NELL1: variants seen among roughly 807,000 people sequenced by gnomAD.
The protein encoded by NELL1 is neural EGFL like 1.
NELL1 carries 76 observed loss-of-function variants against 107.4 expected under a neutral mutation model. The ratio of observed to expected loss-of-function variants is 0.71; its 90% confidence interval spans 0.59 to 0.86. The LOEUF (loss-of-function observed/expected upper bound fraction) is 0.86. Among genes scored for constraint, NELL1 ranks in the 40% least tolerant of loss-of-function variants. NELL1 has a pLI of 0.00. For missense variants in NELL1, 1,024 were observed against 1,005.5 expected, an observed-to-expected ratio of 1.02 and a Z score of -0.25; for synonymous variants, 353 against 341.2, an observed-to-expected ratio of 1.03 and a Z score of -0.38.
intron 15 of NELL1, among the ~76,000 whole-genome samples, chr11:21,442,373 C>T (rs1853307487): frequency 6.6e-6 from 1 of 152,026 alleles, no homozygotes; most frequent in African/African-American, 2.4e-5. Context: ...TACGTGGTCT[C>T]TGTTCATCTC....
chr11:20,744,378 T>C (rs750131435), intron 2 of NELL1, among the ~76,000 whole-genome samples: 8 of 152,262 alleles, frequency 5.3e-5, no homozygotes, highest in Non-Finnish European at 1.0e-4. Flanking sequence ...ACCAGTCTTC[T>C]CACTGTCTGA....
chr11:21,413,463 T>C (rs930432589), intron 15 of NELL1, among the ~76,000 whole-genome samples: 12 of 152,206 alleles, frequency 7.9e-5, no homozygotes, highest in Admixed American at 2.6e-4. Context: ...GTGGCTGCTT[T>C]GAAAGACGAG....
At position 21,261,268 on chromosome 11, in the gene NELL1, G is replaced by A. The variant is rs574196439; in HGVS notation, c.1549+31814G>A. 1.4e-4 allele frequency among the ~76,000 whole-genome samples: 21 copies of A among 151,448 alleles called. No individual in the cohort carries two copies. The South Asian group carries it at 4.4e-3, about 32-fold the overall frequency. Reference sequence around the variant, plus strand: ...GCATAGGTAAACTTGTGTCATGGAGGTTTGTTGTAAGATTATTTCATCACT... The same window carrying A: ...GCATAGGTAAACTTGTGTCATGGAGATTTGTTGTAAGATTATTTCATCACT... On this transcript the variant is annotated intron_variant, in intron 14 of 19. Coordinates refer to ENST00000357134, the MANE Select transcript of NELL1 (RefSeq NM_006157.5).
intron 15 of NELL1, among the ~76,000 whole-genome samples, chr11:21,522,847 T>TC (rs1855763421): frequency 7.6e-6 from 1 of 131,064 alleles, no homozygotes; most frequent in Non-Finnish European, 1.7e-5. Context: ...TTTTTTTTTT[T>TC]TTTTTTTTTT....
At chr11:21,248,064 G>T (rs370685457) in intron 14 of NELL1, among the ~76,000 whole-genome samples, 1 of 152,196 alleles carries the variant, frequency 6.6e-6, no homozygotes, top group African/African-American at 2.4e-5. Flanking sequence ...AGAGCAGGAG[G>T]CCGGGTGCAG....
rs529369907 is a variant in NELL1, at chr11:21,107,516, A to G, written c.1301-6073A>G. Among the ~76,000 whole-genome samples the G allele has an allele frequency of 9.9e-5, 15 of 152,270 alleles. No homozygotes were observed. In the East Asian group the frequency reaches 2.9e-3, roughly 29 times the overall value. ...TGCCAAGAGCTATGCTTTTGTGTGG[A>G]TATCTGCTTGTTCACCCTAGTTGCT... On this transcript the variant is annotated intron_variant, in intron 12 of 19. Coordinates refer to ENST00000357134, the MANE Select transcript of NELL1 (RefSeq NM_006157.5).
At chr11:21,233,933 T>G (rs1212412090) in intron 14 of NELL1, among the ~76,000 whole-genome samples, 1 of 152,220 alleles carries the variant, frequency 6.6e-6, no homozygotes, top group Non-Finnish European at 1.5e-5. Flanking sequence ...GAATTCTGTG[T>G]CTGGGCACCA....
chr11:20,928,273 C>A, intron 8 of NELL1, 104 bp from the exon 9 acceptor site: 1 of 1,039,192 alleles, frequency 9.6e-7, no homozygotes. Flanking sequence ...AATACTGCTT[C>A]TGTTTCCCTG....
chr11:20,762,980 C>T (rs1856455064), intron 2 of NELL1, among the ~76,000 whole-genome samples: 1 of 151,950 alleles, frequency 6.6e-6, no homozygotes, highest in Admixed American at 6.6e-5. Context: ...TAAGCCGAAA[C>T]ACTTTAAAAA....
At chr11:21,541,693 T>C (rs1856296963) in intron 16 of NELL1, among the ~76,000 whole-genome samples, 1 of 152,134 alleles carries the variant, frequency 6.6e-6, no homozygotes. Context: ...GAAATCGGCC[T>C]CTTTCTAGCT....
chr11:20,814,368 G>C (rs1236086140), intron 3 of NELL1, among the ~76,000 whole-genome samples: 2 of 152,204 alleles, frequency 1.3e-5, no homozygotes, highest in Non-Finnish European at 2.9e-5. Flanking sequence ...GTGTGATGCT[G>C]AGGTTTGGAG....
At chr11:20,699,182 A>T (rs1392989118) in intron 2 of NELL1, among the ~76,000 whole-genome samples, 3 of 151,876 alleles carry the variant, frequency 2.0e-5, no homozygotes, top group Admixed American at 6.6e-5. Flanking sequence ...GTACCACTGT[A>T]CTCCAGCCTG....
At chr11:21,030,804 C>T (rs1300440215) in intron 12 of NELL1, among the ~76,000 whole-genome samples, 1 of 152,012 alleles carries the variant, frequency 6.6e-6, no homozygotes, top group Non-Finnish European at 1.5e-5. Context: ...TTGAACCCCT[C>T]CATCGTAGCT....
rs571170400 is a variant in NELL1 at position 21,189,820 on chromosome 11, A to T, written c.1427-39512A>T. Among the ~76,000 whole-genome samples the T allele has an allele frequency of 4.6e-5, 7 of 151,738 alleles. No homozygotes were observed. In the South Asian group the frequency reaches 1.5e-3, roughly 31 times the overall value. On this transcript the variant is annotated intron_variant, in intron 13 of 19. Coordinates refer to ENST00000357134, the MANE Select transcript of NELL1 (RefSeq NM_006157.5). ...TGGTTTTATTATTGATCTACAAAGGATGTTGTAACTATTGAAATGTAAGAA... is the reference window on the plus strand; with the variant it reads ...TGGTTTTATTATTGATCTACAAAGGTTGTTGTAACTATTGAAATGTAAGAA...
At chr11:20,689,031 G>A (rs902581032) in intron 2 of NELL1, among the ~76,000 whole-genome samples, 7 of 151,974 alleles carry the variant, frequency 4.6e-5, no homozygotes, top group South Asian at 2.1e-4. Flanking sequence ...GATGTGGAGC[G>A]TTTTTTCATA....
intron 12 of NELL1, among the ~76,000 whole-genome samples, chr11:21,073,814 AC>A (rs1854071390): frequency 6.6e-6 from 1 of 152,222 alleles, no homozygotes; most frequent in South Asian, 2.1e-4. Flanking sequence ...GCTAGATTCA[AC>A]CAATTAATTC....
At chr11:20,992,288 A>G (rs1254742876) in intron 12 of NELL1, among the ~76,000 whole-genome samples, 6 of 152,348 alleles carry the variant, frequency 3.9e-5, no homozygotes, top group South Asian at 2.1e-4. Context: ...CAGTCCTTCA[A>G]AATGAATTCG....
chr11:21,128,923 A>G (rs575895411), intron 13 of NELL1, among the ~76,000 whole-genome samples: 1 of 152,236 alleles, frequency 6.6e-6, no homozygotes, highest in African/African-American at 2.4e-5. Flanking sequence ...AGTGCCCTCT[A>G]TCTATTTTTA....
intron 1 of NELL1, among the ~76,000 whole-genome samples, chr11:20,677,426 T>C (rs1854086153): frequency 6.6e-6 from 1 of 152,224 alleles, no homozygotes; most frequent in South Asian, 2.1e-4. Context: ...AGTTTCTTCA[T>C]AACTCATCTG....
Sources: allele counts gnomAD v4.1 joint callset (sites outside exome capture counted in the v4.1 genomes callset), GRCh38; gene constraint gnomAD v4.1.1; transcripts MANE v1.5; gene names NCBI Gene and HGNC (gene_info 2026-07-23, HGNC 2026-07-21).